PCDHA1: variants seen among roughly 807,000 people sequenced by gnomAD.
The protein encoded by PCDHA1 is protocadherin alpha 1, also known as protocadherin alpha-1.
Under a neutral mutation model 61.3 loss-of-function variants are expected in PCDHA1, and 42 were observed. The observed-to-expected ratio is 0.69, with a 90% confidence interval of 0.54 to 0.89. The LOEUF (loss-of-function observed/expected upper bound fraction) is 0.89. PCDHA1 is among the 40% of genes least tolerant of loss of function. PCDHA1 has a pLI of 0.00. For missense variants in PCDHA1, 1,256 were observed against 1,235.3 expected, an observed-to-expected ratio of 1.02 and a Z score of -0.25; for synonymous variants, 610 against 553.8, an observed-to-expected ratio of 1.10 and a Z score of -1.43.
Position 140,992,419 on chromosome 5 carries a change from A to C in PCDHA1, c.2542+9856A>C, listed in dbSNP as rs554370784. The stretch of plus-strand genomic sequence containing the variant: ...GAGATATTGTTCTGCCCCAGGTCTA[A>C]GAATATTGTTCCAAGAGTTGGGAGC... On this transcript the variant is annotated intron_variant, in intron 3 of 3. Transcript: ENST00000504120. Among the ~76,000 whole-genome samples the C allele has an allele frequency of 3.3e-5, 5 of 152,318 alleles. No individual in the cohort carries two copies. In the East Asian group the frequency reaches 7.7e-4, roughly 23 times the overall value.
intron 3 of PCDHA1, among the ~76,000 whole-genome samples, chr5:141,005,570 C>T (rs2098221993): frequency 6.6e-6 from 1 of 151,052 alleles, no homozygotes; most frequent in African/African-American, 2.4e-5. Context: ...GGCATGGTGG[C>T]GCGTGCCTGT....
Position 140,877,166 on chromosome 5 carries a change from TGCTGGCGACTCCG to T in PCDHA1, c.2394+88489_2394+88501del, listed in dbSNP as rs2056906844. The T allele has an allele frequency of 1.9e-6, 3 of 1,613,836 alleles. No individual in the cohort carries two copies. In the East Asian group the frequency reaches 6.7e-5, roughly 36 times the overall value. On this transcript the variant is annotated intron_variant, in intron 1 of 3. Coordinates refer to ENST00000504120, the MANE Select transcript of PCDHA1 (RefSeq NM_018900.4). The stretch of plus-strand genomic sequence containing the variant: ...GACGAGAACGACAACGCGCCGGCAC[TGCTGGCGACTCCG>T]GCTGGCAGCGCAGGAGGCGCAGTTA...
At chr5:140,884,550 G>C (rs781916237) in intron 1 of PCDHA1, 2 of 1,614,118 alleles carry the variant, frequency 1.2e-6, no homozygotes, top group Non-Finnish European at 1.7e-6. Flanking sequence ...GTGTGCTCTG[G>C]GGAGGGCCCG....
chr5:140,815,283 T>C (rs1765689291), intron 1 of PCDHA1: 1 of 152,134 alleles, frequency 6.6e-6, no homozygotes, highest in Admixed American at 6.5e-5. Flanking sequence ...CCTCTTACTG[T>C]CTTCCTTTGT....
At chr5:140,893,204 G>A (rs1207669882) in intron 1 of PCDHA1, among the ~76,000 whole-genome samples, 1 of 152,244 alleles carries the variant, frequency 6.6e-6, no homozygotes, top group African/African-American at 2.4e-5. Context: ...GCTGCAGTAA[G>A]TATGGGAGGT....
At chr5:140,826,432 T>G (rs1245508163) in intron 1 of PCDHA1, among the ~76,000 whole-genome samples, 1 of 152,176 alleles carries the variant, frequency 6.6e-6, no homozygotes, top group African/African-American at 2.4e-5. Flanking sequence ...GAATTTCACA[T>G]GGAAGAAAAG....
chr5:140,970,286 C>A (rs2096395973), intron 1 of PCDHA1, among the ~76,000 whole-genome samples: 2 of 152,174 alleles, frequency 1.3e-5, no homozygotes, highest in Admixed American at 6.5e-5. Context: ...GTAGCCTTTT[C>A]AAGTCCTTCA....
chr5:140,872,581 C>T (rs1037284236), intron 1 of PCDHA1, among the ~76,000 whole-genome samples: 14 of 152,104 alleles, frequency 9.2e-5, no homozygotes, highest in African/African-American at 3.1e-4. Flanking sequence ...GACCTATCAT[C>T]GTGAGACCCC....
At position 140,794,403 on chromosome 5, in the gene PCDHA1, T is replaced by A. The variant is rs1383103941; in HGVS notation, c.2394+5719T>A. On this transcript the variant is annotated intron_variant, in intron 1 of 3. Transcript: ENST00000504120. ...GCCAGTCACAAAAAGACAAATACTT[T>A]ACGAGTCCACTTACACGAAATATCT... 2.0e-5 allele frequency among the ~76,000 whole-genome samples: 3 copies of A among 152,198 alleles called. No individual in the cohort carries two copies. The East Asian group carries it at 5.8e-4, about 29-fold the overall frequency.
At chr5:140,952,058 T>C (rs889374877) in intron 1 of PCDHA1, among the ~76,000 whole-genome samples, 1 of 152,096 alleles carries the variant, frequency 6.6e-6, no homozygotes, top group African/African-American at 2.4e-5. Flanking sequence ...ATCTTAAAGC[T>C]CCAAATAATC....
intron 1 of PCDHA1, among the ~76,000 whole-genome samples, chr5:140,933,534 ATAATGT>A (rs1401849089): frequency 6.6e-6 from 1 of 152,102 alleles, no homozygotes; most frequent in Non-Finnish European, 1.5e-5. Context: ...TAAACTCAAA[ATAATGT>A]TAATATAAAA....
intron 1 of PCDHA1, among the ~76,000 whole-genome samples, chr5:140,855,055 T>C (rs562005171): frequency 2.0e-5 from 3 of 150,120 alleles, no homozygotes; most frequent in African/African-American, 7.3e-5. Flanking sequence ...AGTACTTTTC[T>C]GTTTTCTTAA....
At chr5:141,000,743 T>TA (rs527867626) in intron 3 of PCDHA1, among the ~76,000 whole-genome samples, 4,963 of 145,376 alleles carry the variant, frequency 0.034, 280 homozygotes, top group African/African-American at 0.12. Flanking sequence ...CTCTGTATAT[T>TA]AAAAAAAAAA....
chr5:140,801,137 C>A (rs1357728737), intron 1 of PCDHA1: 2 of 1,524,932 alleles, frequency 1.3e-6, no homozygotes, highest in South Asian at 2.6e-5. Flanking sequence ...ATAAGGAACT[C>A]GAATTATTTT....
chr5:140,829,809 C>CTGG, intron 1 of PCDHA1: 1 of 1,613,854 alleles, frequency 6.2e-7, no homozygotes, highest in African/African-American at 1.3e-5. Context: ...GTGGGTGGTA[C>CTGG]TGGTGGTGCA....
At chr5:140,903,871 A>G (rs1382306493) in intron 1 of PCDHA1, among the ~76,000 whole-genome samples, 2 of 152,192 alleles carry the variant, frequency 1.3e-5, no homozygotes, top group Non-Finnish European at 2.9e-5. Context: ...GAGTAAAATG[A>G]CAAAGACATT....
chr5:140,791,811 CTTG>C (rs1336440219), intron 1 of PCDHA1, among the ~76,000 whole-genome samples: 3 of 152,098 alleles, frequency 2.0e-5, no homozygotes, highest in Admixed American at 2.0e-4. Flanking sequence ...ATCCACTCCC[CTTG>C]TTGTTTTTTT....
chr5:140,928,771 A>G lies in PCDHA1; in HGVS notation c.2395-50178A>G, dbSNP rs1554206294. 2 of 1,613,880 alleles carry G rather than the reference A, an allele frequency of 1.2e-6. No individual in the cohort carries two copies. Among genetic ancestry groups the G allele is most frequent in the East Asian group, 2.2e-5 (1 of 44,892 alleles). ...CCGTACTGCTCGCTTAGTTCTTCCC[A>G]CTGATGCAGTTAAGCAGAGGGTGGT... On this transcript the variant is annotated intron_variant, in intron 1 of 3. Coordinates refer to ENST00000504120, the MANE Select transcript of PCDHA1 (RefSeq NM_018900.4).
intron 1 of PCDHA1, among the ~76,000 whole-genome samples, chr5:140,938,897 G>A (rs72800999): frequency 0.012 from 1,856 of 151,306 alleles, 24 homozygotes; most frequent in Non-Finnish European, 0.018. Flanking sequence ...ACACAGATGC[G>A]CACACACACA....
Sources: allele counts gnomAD v4.1 joint callset (sites outside exome capture counted in the v4.1 genomes callset), GRCh38; gene constraint gnomAD v4.1.1; transcripts MANE v1.5; gene names NCBI Gene and HGNC (gene_info 2026-07-23, HGNC 2026-07-21).